CPAP: variants seen among roughly 807,000 people sequenced by gnomAD.
The protein encoded by CPAP is centrosome assembly and centriole elongation protein, also known as centrosomal P4.1-associated protein.
chr13:24,925,090 G>A, the CPAP span, among the ~76,000 whole-genome samples: 1 of 152,166 alleles, frequency 6.6e-6, no homozygotes, highest in Non-Finnish European at 1.5e-5. Flanking sequence ...TGCTGTGCCA[G>A]ACACAGAATA....
chr13:24,910,485 A>G, the CPAP span, among the ~76,000 whole-genome samples: 3,184 of 152,332 alleles, frequency 0.021, 96 homozygotes, highest in African/African-American at 0.071. Context: ...TTGGCCTCCC[A>G]AAGTACTGGG....
At chr13:24,929,430 T>C in the CPAP span, among the ~76,000 whole-genome samples, 1 of 152,238 alleles carries the variant, frequency 6.6e-6, no homozygotes, top group South Asian at 2.1e-4. Flanking sequence ...TTTGTTTTCT[T>C]TCAGCACTTT....
chr13:24,917,522 A>AC, the CPAP span, among the ~76,000 whole-genome samples: 1 of 151,810 alleles, frequency 6.6e-6, no homozygotes, highest in African/African-American at 2.4e-5. Flanking sequence ...AGTGTGCATC[A>AC]CCCCCCAGAT....
At chr13:24,916,244 A>G in the CPAP span, among the ~76,000 whole-genome samples, 1 of 152,294 alleles carries the variant, frequency 6.6e-6, no homozygotes, top group South Asian at 2.1e-4. Context: ...TCTAGTACTG[A>G]AGTGGAATAA....
the CPAP span, chr13:24,882,674 G>GTAAC: frequency 4.5e-5 from 7 of 156,782 alleles, no homozygotes; most frequent in African/African-American, 1.7e-4. Flanking sequence ...ATCCACTGTT[G>GTAAC]TAACTTCCCA....
chr13:24,931,306 C>CTTTCTTTT, the CPAP span, among the ~76,000 whole-genome samples: 1 of 72,646 alleles, frequency 1.4e-5, no homozygotes, highest in Non-Finnish European at 2.4e-5. Flanking sequence ...TTTCATGTTT[C>CTTTCTTTT]TTTTTTTTTT....
the CPAP span, chr13:24,907,138 C>T: frequency 1.9e-6 from 3 of 1,613,924 alleles, no homozygotes; most frequent in Non-Finnish European, 2.5e-6. Flanking sequence ...TGAATTTGTT[C>T]TTCTAAGTAA....
chr13:24,884,688 T>C, the CPAP span, among the ~76,000 whole-genome samples: 8 of 152,194 alleles, frequency 5.3e-5, no homozygotes, highest in Non-Finnish European at 1.0e-4. Flanking sequence ...CCTTCCCTTA[T>C]CAACAATTTG....
At chr13:24,930,042 C>G in the CPAP span, among the ~76,000 whole-genome samples, 6,128 of 151,318 alleles carry the variant, frequency 0.04, 208 homozygotes, top group African/African-American at 0.094. Context: ...TCCTGAGTAG[C>G]TACAGCCACA....
the CPAP span, chr13:24,906,848 T>C: frequency 6.2e-7 from 1 of 1,614,244 alleles, no homozygotes; most frequent in Non-Finnish European, 8.5e-7. Flanking sequence ...TAGTTTACTT[T>C]CTTTGCCTTT....
At chr13:24,933,709 A>C in the CPAP span, among the ~76,000 whole-genome samples, 292 of 150,754 alleles carry the variant, frequency 1.9e-3, no homozygotes, top group African/African-American at 6.7e-3. Context: ...TCTTGGAAAC[A>C]GTTAAGTCTA....
chr13:24,909,892 T>A, the CPAP span: 1 of 1,614,130 alleles, frequency 6.2e-7, no homozygotes, highest in Non-Finnish European at 8.5e-7. Flanking sequence ...CGTTTTGAAG[T>A]TAAGACAAAA....
chr13:24,916,291 T>C, the CPAP span, among the ~76,000 whole-genome samples: 1 of 152,122 alleles, frequency 6.6e-6, no homozygotes, highest in South Asian at 2.1e-4. Context: ...TTCTAGACTT[T>C]ATCAATATAA....
the CPAP span, among the ~76,000 whole-genome samples, chr13:24,923,120 T>TA: frequency 2.0e-5 from 3 of 152,128 alleles, no homozygotes; most frequent in African/African-American, 7.2e-5. Context: ...CTCCCACACT[T>TA]AGAAAACTAA....
chr13:24,933,244 C>T, the CPAP span: 1 of 849,420 alleles, frequency 1.2e-6, no homozygotes, highest in East Asian at 2.6e-5. Context: ...AGAGAGTGAG[C>T]TACTGGAAGC....
chr13:24,904,271 CAA>C, the CPAP span, among the ~76,000 whole-genome samples: 3 of 152,118 alleles, frequency 2.0e-5, no homozygotes, highest in African/African-American at 4.8e-5. Context: ...TAATCTACCT[CAA>C]AAGAGTATCG....
At chr13:24,883,893 G>A in the CPAP span, 2 of 1,593,830 alleles carry the variant, frequency 1.3e-6, no homozygotes, top group Non-Finnish European at 1.7e-6. Flanking sequence ...GCAAGGCTGG[G>A]GCACCTTCTG....
At chr13:24,917,129 A>G in the CPAP span, among the ~76,000 whole-genome samples, 1 of 152,226 alleles carries the variant, frequency 6.6e-6, no homozygotes, top group African/African-American at 2.4e-5. Context: ...GGGCACCTGT[A>G]GTCCCAGCTA....
At chr13:24,892,623 C>T in the CPAP span, 1 of 1,600,990 alleles carries the variant, frequency 6.2e-7, no homozygotes, top group Non-Finnish European at 8.6e-7. Flanking sequence ...CTGACACAAC[C>T]CACCCGCCTC....
Sources: allele counts gnomAD v4.1 joint callset (sites outside exome capture counted in the v4.1 genomes callset), GRCh38; gene constraint gnomAD v4.1.1; transcripts MANE v1.5; gene names NCBI Gene and HGNC (gene_info 2026-07-23, HGNC 2026-07-21).